PTPRK: variants seen among roughly 807,000 people sequenced by gnomAD.
The protein encoded by PTPRK is receptor-type tyrosine-protein phosphatase kappa.
A neutral mutation model predicts 178.0 loss-of-function variants in PTPRK; 75 were observed. The observed-to-expected ratio is 0.42, with a 90% confidence interval of 0.35 to 0.51. The LOEUF (loss-of-function observed/expected upper bound fraction) is 0.51, where lower values mean the gene tolerates loss of function less well. Ranked by LOEUF, PTPRK falls within the 20% of genes least tolerant of loss-of-function variation. The pLI, the probability that PTPRK is intolerant of heterozygous loss-of-function variation, is 0.02. For synonymous variants in PTPRK, 637 were observed against 620.6 expected, an observed-to-expected ratio of 1.03 and a Z score of -0.39; for missense variants, 1,441 against 1,797.8, an observed-to-expected ratio of 0.80 and a Z score of 3.59.
intron 3 of PTPRK, among the ~76,000 whole-genome samples, chr6:128,280,700 G>C (rs940835222): frequency 2.0e-5 from 3 of 152,080 alleles, no homozygotes; most frequent in Non-Finnish European, 2.9e-5. Flanking sequence ...TCCAGGCTTT[G>C]AAAATTATGT....
intron 2 of PTPRK, among the ~76,000 whole-genome samples, chr6:128,383,242 A>G (rs1340065005): frequency 6.6e-6 from 1 of 152,216 alleles, no homozygotes; most frequent in African/African-American, 2.4e-5. Context: ...AAGTTTAACT[A>G]TAAGACGTAA....
At chr6:128,429,806 T>C (rs1300345998) in intron 1 of PTPRK, among the ~76,000 whole-genome samples, 2 of 152,214 alleles carry the variant, frequency 1.3e-5, no homozygotes, top group Non-Finnish European at 2.9e-5. Context: ...AATTAGATAA[T>C]TTCTACCTTG....
At chr6:128,157,004 A>G in intron 7 of PTPRK, among the ~76,000 whole-genome samples, 1 of 152,014 alleles carries the variant, frequency 6.6e-6, no homozygotes. Context: ...TTATCGTAAG[A>G]ATGCAAATGA....
chr6:128,162,154 T>C (rs1011780847), intron 7 of PTPRK, among the ~76,000 whole-genome samples: 12 of 151,668 alleles, frequency 7.9e-5, no homozygotes, highest in Non-Finnish European at 1.3e-4. Context: ...AGTTTTGATG[T>C]TTATCTATTA....
intron 1 of PTPRK, among the ~76,000 whole-genome samples, chr6:128,421,401 T>G (rs1455092502): frequency 6.6e-6 from 1 of 152,172 alleles, no homozygotes; most frequent in African/African-American, 2.4e-5. Context: ...GCAGAAGATA[T>G]TAGTCAGTCT....
At position 127,973,670 on chromosome 6, in the gene PTPRK, T is replaced by A; in HGVS notation, c.4127A>T (p.His1376Leu). 6.2e-7 allele frequency: 1 copy of A among 1,613,540 alleles called. No individual in the cohort carries two copies. Among genetic ancestry groups the A allele is most frequent in the Non-Finnish European group, 8.5e-7 (1 of 1,179,892 alleles). Residue 1376 changes from histidine (H) to leucine (L), a missense_variant, in exon 28 of 30, where the codon CAC becomes CTC. Transcript: ENST00000368226. ...GCTGAGCTGCCCTACTCACAGGCAGTGGATAATCGTCCGGCCTTCCCCTTC... is the reference window on the plus strand; with the variant it reads ...GCTGAGCTGCCCTACTCACAGGCAGAGGATAATCGTCCGGCCTTCCCCTTC... ...CEEGEGRTII[H>L]CLNGGGRSGM...
At chr6:128,175,190 T>C (rs1800878430) in intron 7 of PTPRK, among the ~76,000 whole-genome samples, 1 of 151,882 alleles carries the variant, frequency 6.6e-6, no homozygotes, top group Admixed American at 6.6e-5. Context: ...CTGTTTGATA[T>C]TGATCAAATC....
At chr6:128,197,401 A>G (rs1356620389) in intron 6 of PTPRK, among the ~76,000 whole-genome samples, 1 of 152,020 alleles carries the variant, frequency 6.6e-6, no homozygotes, top group African/African-American at 2.4e-5. Flanking sequence ...CAAGATACTA[A>G]ACTTGGAAAT....
chr6:128,415,933 G>T (rs181855857), intron 1 of PTPRK, among the ~76,000 whole-genome samples: 7 of 152,168 alleles, frequency 4.6e-5, no homozygotes, highest in African/African-American at 7.2e-5. Context: ...AAATGTTTGG[G>T]GCTGATAATA....
chr6:128,403,398 T>C (rs796138167), intron 1 of PTPRK, among the ~76,000 whole-genome samples: 1 of 152,170 alleles, frequency 6.6e-6, no homozygotes. Context: ...ACGCAGGTAA[T>C]AGAAGAGAGA....
At chr6:128,238,878 A>T (rs983505121) in intron 5 of PTPRK, among the ~76,000 whole-genome samples, 3 of 152,228 alleles carry the variant, frequency 2.0e-5, no homozygotes, top group Non-Finnish European at 4.4e-5. Context: ...AGTAATAATT[A>T]GATTAATATG....
In PTPRK at chr6:128,093,403, G is replaced by A. The variant is rs1017912053; in HGVS notation, c.1163-3411C>T. Among the ~76,000 whole-genome samples, 24 of 151,836 alleles carry A rather than the reference G, an allele frequency of 1.6e-4. No homozygotes were observed. The East Asian group carries it at 4.5e-3, about 28-fold the overall frequency. On this transcript the variant is annotated intron_variant, in intron 7 of 29. Transcript: ENST00000368226. ...GAGCTCAGGAGCTCGAGACCAGCAT[G>A]AGCAACATGGTGAAACCCCATCTCT...
At chr6:128,466,963 G>C (rs907396822) in intron 1 of PTPRK, among the ~76,000 whole-genome samples, 1 of 152,086 alleles carries the variant, frequency 6.6e-6, no homozygotes, top group African/African-American at 2.4e-5. Context: ...TGGACACGAG[G>C]ATTAAAGAAA....
chr6:128,392,581 A>C (rs993362501), intron 2 of PTPRK, among the ~76,000 whole-genome samples: 1 of 152,212 alleles, frequency 6.6e-6, no homozygotes, highest in Non-Finnish European at 1.5e-5. Context: ...ATGAGGTCAT[A>C]AGCATAAAAA....
chr6:128,158,173 C>T (rs1428193778), intron 7 of PTPRK, among the ~76,000 whole-genome samples: 1 of 151,794 alleles, frequency 6.6e-6, no homozygotes, highest in Admixed American at 6.6e-5. Context: ...GAAAACCAAA[C>T]GCTGCAAGTT....
intron 6 of PTPRK, among the ~76,000 whole-genome samples, chr6:128,206,259 G>A (rs929003810): frequency 9.2e-5 from 14 of 151,602 alleles, no homozygotes; most frequent in Admixed American, 2.0e-4. Flanking sequence ...AGAGAAAAAA[G>A]TCTGGTGATA....
chr6:128,270,131 T>G (rs1209500072), intron 3 of PTPRK, among the ~76,000 whole-genome samples: 1 of 152,146 alleles, frequency 6.6e-6, no homozygotes, highest in Non-Finnish European at 1.5e-5. Flanking sequence ...GGGATTATAC[T>G]TTCTCATAGT....
chr6:128,038,590 T>C (rs1319867692), intron 13 of PTPRK, among the ~76,000 whole-genome samples: 2 of 152,136 alleles, frequency 1.3e-5, no homozygotes, highest in African/African-American at 4.8e-5. Context: ...AAAAAGCCTA[T>C]CTTAAATCAA....
At chr6:128,429,787 T>A in intron 1 of PTPRK, among the ~76,000 whole-genome samples, 1 of 152,172 alleles carries the variant, frequency 6.6e-6, no homozygotes, top group East Asian at 1.9e-4. Context: ...CAGTGAGGTG[T>A]GCATTATTAA....
Sources: gnomAD v4.1 joint callset for allele counts (sites outside exome capture counted in the v4.1 genomes callset) on GRCh38, gnomAD v4.1.1 for gene constraint, MANE v1.5 for transcripts, NCBI Gene and HGNC (gene_info 2026-07-23, HGNC 2026-07-21) for gene names.